The following MYRIP variants were observed in gnomAD, a reference collection of about 807,000 sequenced individuals.
MYRIP encodes the protein rab effector MyRIP.
A neutral mutation model predicts 98.0 loss-of-function variants in MYRIP; 49 were observed. The ratio of observed to expected loss-of-function variants is 0.50; its 90% CI spans 0.40 to 0.63. The LOEUF (loss-of-function observed/expected upper bound fraction) is 0.63. MYRIP is among the 30% of genes least tolerant of loss of function. The probability of loss-of-function intolerance (pLI) is 0.00; values close to 1 mark genes in which losing one functional copy is unlikely to be tolerated. For synonymous variants in MYRIP, 404 were observed against 409.5 expected, an observed-to-expected ratio of 0.99 and a Z score of 0.16; for missense variants, 1,004 against 1,058.2, an observed-to-expected ratio of 0.95 and a Z score of 0.71.
intron 2 of MYRIP, among the ~76,000 whole-genome samples, chr3:39,993,072 T>C (rs950088093): frequency 3.9e-5 from 6 of 152,198 alleles, no homozygotes; most frequent in African/African-American, 1.4e-4. Flanking sequence ...TATTGGCTCA[T>C]GATTCTGGAG....
intron 9 of MYRIP, among the ~76,000 whole-genome samples, chr3:40,187,727 C>A (rs1465749316): frequency 1.3e-5 from 2 of 152,174 alleles, no homozygotes; most frequent in South Asian, 4.1e-4. Flanking sequence ...GCCTCAGGGA[C>A]CTTGTCCTCA....
At chr3:40,083,026 A>G (rs1286512257) in intron 3 of MYRIP, among the ~76,000 whole-genome samples, 4 of 152,242 alleles carry the variant, frequency 2.6e-5, no homozygotes, top group African/African-American at 9.6e-5. Flanking sequence ...TTTAGCCAAG[A>G]TTAGAAAACA....
chr3:39,865,617 G>C (rs1459210818), intron 1 of MYRIP, among the ~76,000 whole-genome samples: 2 of 151,990 alleles, frequency 1.3e-5, no homozygotes, highest in African/African-American at 4.8e-5. Flanking sequence ...CATCAAAACT[G>C]CAATGAGATA....
At chr3:40,049,054 CAT>C (rs1330652667) in intron 3 of MYRIP, among the ~76,000 whole-genome samples, 2 of 152,140 alleles carry the variant, frequency 1.3e-5, no homozygotes, top group Non-Finnish European at 2.9e-5. Flanking sequence ...ACATATCAGT[CAT>C]AATCATTTTG....
chr3:39,975,681 G>A (rs934577436), intron 2 of MYRIP, among the ~76,000 whole-genome samples: 2 of 152,062 alleles, frequency 1.3e-5, no homozygotes, highest in Non-Finnish European at 2.9e-5. Flanking sequence ...AAACAGCATG[G>A]TACTGGTACC....
chr3:40,196,045 A>T (rs1284924976), intron 10 of MYRIP, among the ~76,000 whole-genome samples: 1 of 152,054 alleles, frequency 6.6e-6, no homozygotes, highest in East Asian at 1.9e-4. Context: ...TTTTAAAAAA[A>T]ATTTCTCTGC....
At chr3:39,862,008 C>T (rs1942486018) in intron 1 of MYRIP, among the ~76,000 whole-genome samples, 2 of 152,080 alleles carry the variant, frequency 1.3e-5, no homozygotes, top group African/African-American at 4.8e-5. Context: ...TGAAATACCA[C>T]ACAAGAAGGC....
At chr3:40,153,731 T>C (rs555820687) in intron 4 of MYRIP, among the ~76,000 whole-genome samples, 18 of 152,204 alleles carry the variant, frequency 1.2e-4, no homozygotes, top group Non-Finnish European at 2.4e-4. Flanking sequence ...TGTCAGAACA[T>C]GATATGCAAA....
intron 2 of MYRIP, among the ~76,000 whole-genome samples, chr3:39,972,275 T>C (rs1428076264): frequency 6.6e-6 from 1 of 152,054 alleles, no homozygotes; most frequent in Non-Finnish European, 1.5e-5. Flanking sequence ...GGTAGTAATT[T>C]TTGGTAGTTT....
chr3:40,213,421 G>A (rs1284385916), intron 11 of MYRIP, among the ~76,000 whole-genome samples: 1 of 152,168 alleles, frequency 6.6e-6, no homozygotes, highest in Non-Finnish European at 1.5e-5. Context: ...GGTACTGAAG[G>A]AACAGCTTAG....
rs760934894 is a variant in MYRIP at position 40,258,333 on chromosome 3, G to A, written c.*167G>A. 1.7e-5 allele frequency: 12 copies of A among 720,538 alleles called. No individual in the cohort carries two copies. The highest frequency in any genetic ancestry group is 3.9e-4 in the Middle Eastern group (1 of 2,594). 44.6% of individuals were successfully genotyped at this position (720,538 alleles called of 1,614,324 possible). The stretch of plus-strand genomic sequence containing the variant: ...GTCCTGATACCTCATCCAGAAAGCC[G>A]TCTCAGACTTCAGCACTGCGGTCTT... On this transcript the variant is annotated 3_prime_UTR_variant, in exon 17 of 17. Transcript: ENST00000302541.
At chr3:39,963,592 T>A (rs1945375190) in intron 2 of MYRIP, among the ~76,000 whole-genome samples, 1 of 152,172 alleles carries the variant, frequency 6.6e-6, no homozygotes, top group Non-Finnish European at 1.5e-5. Context: ...TTAAGCACTA[T>A]CTTGTGTGTT....
intron 2 of MYRIP, among the ~76,000 whole-genome samples, chr3:39,906,345 T>C (rs1164923970): frequency 6.6e-6 from 1 of 152,152 alleles, no homozygotes; most frequent in African/African-American, 2.4e-5. Flanking sequence ...GGTTCTATGA[T>C]TGCAGGCATT....
At chr3:40,043,971 T>C (rs77852364) in intron 2 of MYRIP, 79 bp from the exon 3 acceptor site, 108 of 1,343,564 alleles carry the variant, frequency 8.0e-5, no homozygotes, top group Non-Finnish European at 1.1e-4. Context: ...AGGGACAGGG[T>C]GCATGCTTTG....
rs541077128 is a variant in MYRIP at position 40,244,538 on chromosome 3, G to A, written c.2193G>A (p.Glu731=). 1.7e-5 allele frequency: 27 copies of A among 1,614,088 alleles called. No homozygotes were observed. In the South Asian group the frequency reaches 3.0e-4, roughly 18 times the overall value. Residue 731 remains glutamate, a synonymous_variant, in exon 13 of 17, where the codon GAG becomes GAA. Coordinates refer to ENST00000302541, the MANE Select transcript of MYRIP (RefSeq NM_015460.4). ...AARCIHSGTD[E]THLADLEDQV... is the part of the protein sequence containing the mutation. ...GCTGCATCCACAGTGGCACTGATGAGACCCATCTGGCGGATCTGGAGGACC... is the reference window on the plus strand; with the variant it reads ...GCTGCATCCACAGTGGCACTGATGAAACCCATCTGGCGGATCTGGAGGACC...
intron 10 of MYRIP, among the ~76,000 whole-genome samples, chr3:40,208,728 C>T (rs1005605645): frequency 9.2e-5 from 14 of 152,314 alleles, no homozygotes; most frequent in Admixed American, 3.9e-4. Context: ...GAGTCCCTTC[C>T]GCAGGGAAGT....
At chr3:40,008,888 A>C (rs1009806130) in intron 2 of MYRIP, among the ~76,000 whole-genome samples, 2 of 152,182 alleles carry the variant, frequency 1.3e-5, no homozygotes, top group Non-Finnish European at 2.9e-5. Flanking sequence ...AGGGATGCAG[A>C]CACTGCGTGA....
chr3:40,198,106 C>G (rs1053593992), intron 10 of MYRIP, among the ~76,000 whole-genome samples: 1 of 152,200 alleles, frequency 6.6e-6, no homozygotes, highest in African/African-American at 2.4e-5. Context: ...TACGCTTTAT[C>G]ACTACACCTC....
chr3:40,208,125 C>G (rs1951832231), intron 10 of MYRIP, among the ~76,000 whole-genome samples: 2 of 151,938 alleles, frequency 1.3e-5, no homozygotes, highest in African/African-American at 4.8e-5. Flanking sequence ...AAATAATTCC[C>G]TGGATGATGA....
Sources: gnomAD v4.1 joint callset for allele counts (sites outside exome capture counted in the v4.1 genomes callset) on GRCh38, gnomAD v4.1.1 for gene constraint, MANE v1.5 for transcripts, NCBI Gene and HGNC (gene_info 2026-07-23, HGNC 2026-07-21) for gene names.